CARMIL1: variants seen among roughly 807,000 people sequenced by gnomAD.
CARMIL1 encodes capping protein regulator and myosin 1 linker 1, also known as F-actin-uncapping protein LRRC16A.
In CARMIL1, 90 loss-of-function variants were observed where a neutral mutation model predicts 177.1. The observed-to-expected ratio is 0.51, with a 90% CI of 0.43 to 0.61. CARMIL1 has a LOEUF of 0.61. Ranked by LOEUF, CARMIL1 falls within the 20% of genes least tolerant of loss-of-function variation. CARMIL1 has a pLI of 0.00. For missense variants in CARMIL1, 1,380 were observed against 1,667.0 expected (o/e 0.83, Z 3.00); for synonymous variants, 577 against 606.2 (o/e 0.95, Z 0.71).
intron 13 of CARMIL1, among the ~76,000 whole-genome samples, chr6:25,491,187 C>A (rs1475803802): frequency 2.6e-5 from 4 of 152,158 alleles, no homozygotes; most frequent in African/African-American, 9.7e-5. Flanking sequence ...AGTGTCTTAG[C>A]TATTAGTGAA....
rs1289131087 is a variant in CARMIL1 at position 25,279,538 on chromosome 6, C to T, written c.-258C>T. The T allele has an allele frequency of 1.8e-6, 1 of 562,874 alleles. No homozygotes were observed. Among genetic ancestry groups the T allele is most frequent in the Non-Finnish European group, 3.2e-6 (1 of 314,034 alleles). The allele number at this position is 562,874 out of a possible 1,614,324, so 34.9% of individuals were successfully genotyped here. A position where few individuals can be genotyped will look rare whatever the true frequency, so the allele number is the denominator to read the frequency against. On this transcript the variant is annotated 5_prime_UTR_variant, in exon 1 of 37. Transcript: ENST00000329474. ...CGCCCGCTTGTAATCCGGTCCGCTC[C>T]TTATTCAGCCGCCGGGAACTGCGAG...
chr6:25,480,790 G>A (rs1319872432), intron 11 of CARMIL1, among the ~76,000 whole-genome samples: 2 of 134,932 alleles, frequency 1.5e-5, no homozygotes, highest in Admixed American at 8.1e-5. Flanking sequence ...GCGCGATCTC[G>A]GCTCACTGCA....
At chr6:25,584,093 T>G (rs1813406702) in intron 31 of CARMIL1, among the ~76,000 whole-genome samples, 4 of 148,054 alleles carry the variant, frequency 2.7e-5, no homozygotes, top group African/African-American at 1.0e-4. Context: ...AGCGGCACAG[T>G]CATGCCTCAC....
At chr6:25,299,308 T>C (rs551280155) in intron 2 of CARMIL1, among the ~76,000 whole-genome samples, 93 of 151,656 alleles carry the variant, frequency 6.1e-4, no homozygotes, top group Non-Finnish European at 1.1e-3. Flanking sequence ...ATAGCTGGGA[T>C]TACAGGTGCC....
At chr6:25,573,136 A>C (rs904850837) in intron 29 of CARMIL1, among the ~76,000 whole-genome samples, 2 of 152,040 alleles carry the variant, frequency 1.3e-5, no homozygotes, top group East Asian at 3.9e-4. Context: ...TTCCCCAGGG[A>C]TGACCAAGGG....
chr6:25,465,664 A>T (rs1800537630), intron 8 of CARMIL1: 2 of 521,064 alleles, frequency 3.8e-6, no homozygotes, highest in Non-Finnish European at 6.8e-6. Flanking sequence ...GAAGTAGGAA[A>T]CAGAGTCCCT....
intron 31 of CARMIL1, 132 bp downstream of exon 31, chr6:25,581,571 G>A (rs911457453): frequency 2.6e-6 from 2 of 764,020 alleles, no homozygotes; most frequent in African/African-American, 3.5e-5. Context: ...CTCTTTGCAT[G>A]AGATATACAA....
intron 15 of CARMIL1, among the ~76,000 whole-genome samples, chr6:25,494,892 G>T (rs575434960): frequency 6.6e-6 from 1 of 152,332 alleles, no homozygotes; most frequent in South Asian, 2.1e-4. Flanking sequence ...GAATAGCAAT[G>T]AATTGTTTTA....
At chr6:25,551,431 T>G (rs1006670986) in intron 27 of CARMIL1, among the ~76,000 whole-genome samples, 3 of 152,188 alleles carry the variant, frequency 2.0e-5, no homozygotes, top group African/African-American at 7.2e-5. Flanking sequence ...GAGATCAGTT[T>G]GCTTTTTACC....
rs909526884 is a variant in CARMIL1 at position 25,558,034 on chromosome 6, T to C, written c.2742+1184T>C. On this transcript the variant is annotated intron_variant, in intron 29 of 36. Coordinates refer to ENST00000329474, the MANE Select transcript of CARMIL1 (RefSeq NM_017640.6). The surrounding 1 kb of genome is among the most constrained non-coding windows in gnomAD (Gnocchi z 4.1). ...ATATATTTAATCTGGGTGGAGGAAA[T>C]TGTCAAGTTTTTAAAAACTTGGTTG... is the stretch of plus-strand genomic sequence containing the variant. Among the ~76,000 whole-genome samples, 3 of 152,098 alleles carry C rather than the reference T, an allele frequency of 2.0e-5. No individual in the cohort carries two copies. Among genetic ancestry groups the C allele is most frequent in the African/African-American group, 7.2e-5 (3 of 41,442 alleles).
intron 11 of CARMIL1, among the ~76,000 whole-genome samples, chr6:25,480,729 C>CTTTTT (rs1309021528): frequency 1.4e-4 from 16 of 112,742 alleles, no homozygotes; most frequent in East Asian, 5.0e-4. Context: ...TATTTGTTTC[C>CTTTTT]TTTTTTTTTT....
At chr6:25,291,834 C>T (rs750909104) in intron 2 of CARMIL1, among the ~76,000 whole-genome samples, 20 of 152,108 alleles carry the variant, frequency 1.3e-4, no homozygotes, top group Admixed American at 5.2e-4. Context: ...GAGAGACTCC[C>T]GATTCACCAG....
intron 2 of CARMIL1, among the ~76,000 whole-genome samples, chr6:25,381,811 A>T (rs2150487701): frequency 6.6e-6 from 1 of 152,204 alleles, no homozygotes; most frequent in East Asian, 1.9e-4. Context: ...GGTTGACTAC[A>T]TCACTGGTCA....
chr6:25,387,741 G>A (rs1792322311), intron 2 of CARMIL1, among the ~76,000 whole-genome samples: 1 of 152,158 alleles, frequency 6.6e-6, no homozygotes, highest in Non-Finnish European at 1.5e-5. Context: ...TCTAATTGAA[G>A]CAAACCAGCT....
chr6:25,288,421 C>T (rs531052716), intron 2 of CARMIL1, among the ~76,000 whole-genome samples: 1 of 151,236 alleles, frequency 6.6e-6, no homozygotes, highest in South Asian at 2.1e-4. Flanking sequence ...TGGTTAAGGG[C>T]CCAGATTTTG....
chr6:25,479,791 G>A (rs1434792890), intron 11 of CARMIL1, among the ~76,000 whole-genome samples: 1 of 151,712 alleles, frequency 6.6e-6, no homozygotes, highest in East Asian at 1.9e-4. Flanking sequence ...ATGTATTTAG[G>A]TCTATTGATT....
intron 33 of CARMIL1, 42 bp downstream of exon 33, chr6:25,600,788 T>C (rs1270183174): frequency 7.1e-7 from 1 of 1,417,202 alleles, no homozygotes; most frequent in East Asian, 2.5e-5. Context: ...TTATTTGATA[T>C]ATAATAGATG....
At chr6:25,290,792 C>A (rs75649083) in intron 2 of CARMIL1, among the ~76,000 whole-genome samples, 10,833 of 152,142 alleles carry the variant, frequency 0.071, 760 homozygotes, top group East Asian at 0.38. Flanking sequence ...AATCCACCCC[C>A]CCGGCCCCTG....
At position 25,422,881 on chromosome 6, in the gene CARMIL1, T is replaced by C. The variant is rs148331145; in HGVS notation, c.189+2717T>C. Among the ~76,000 whole-genome samples, 217 of 152,310 alleles carry C rather than the reference T, an allele frequency of 1.4e-3. 2 individuals are homozygous for C. Among genetic ancestry groups the C allele is most frequent in the African/African-American group, 4.8e-3 (199 of 41,574 alleles). ...TTCTGCCCCCTCCTTGCTCTGCCCC[T>C]GAGGAAAGGCTTGGCTCCGTCCTGT... On this transcript the variant is annotated intron_variant, in intron 3 of 36. Transcript: ENST00000329474.
Sources: allele counts gnomAD v4.1 joint callset (sites outside exome capture counted in the v4.1 genomes callset), GRCh38; gene constraint gnomAD v4.1.1; non-coding constraint Gnocchi (gnomAD v3.1); transcripts MANE v1.5; gene names NCBI Gene and HGNC (gene_info 2026-07-23, HGNC 2026-07-21).